Variants in CCDC91 observed in about 807,000 individuals in gnomAD.
CCDC91 encodes coiled-coil domain containing 91, also known as coiled-coil domain-containing protein 91.
Under a neutral mutation model 63.2 loss-of-function variants are expected in CCDC91, and 48 were observed. The ratio of observed to expected loss-of-function variants is 0.76; its 90% CI spans 0.60 to 0.97. CCDC91 has a LOEUF of 0.97. Among genes scored for constraint, CCDC91 ranks in the 50% least tolerant of loss-of-function variants. The pLI, the probability that CCDC91 is intolerant of heterozygous loss-of-function variation, is 0.00. For synonymous variants in CCDC91, 167 were observed against 165.8 expected (o/e 1.01, Z -0.06); for missense variants, 500 against 494.6 (o/e 1.01, Z -0.10).
At chr12:28,474,221 C>T (rs1368399736) in intron 11 of CCDC91, among the ~76,000 whole-genome samples, 6 of 151,960 alleles carry the variant, frequency 3.9e-5, no homozygotes, top group South Asian at 2.1e-4. Flanking sequence ...GCAACAAAGT[C>T]GTTTTTTCTT....
intron 12 of CCDC91, among the ~76,000 whole-genome samples, chr12:28,520,977 T>G (rs1940579985): frequency 6.6e-6 from 1 of 152,156 alleles, no homozygotes; most frequent in African/African-American, 2.4e-5. Context: ...TACTGTAGCC[T>G]TGTAGTATAG....
chr12:28,410,897 C>A (rs142952903), intron 8 of CCDC91, among the ~76,000 whole-genome samples: 1 of 152,172 alleles, frequency 6.6e-6, no homozygotes, highest in East Asian at 1.9e-4. Flanking sequence ...TCTCCTCATT[C>A]TTTGTTTTCT....
intron 1 of CCDC91, among the ~76,000 whole-genome samples, chr12:28,250,815 C>T (rs151270283): frequency 6.6e-6 from 1 of 152,230 alleles, no homozygotes; most frequent in East Asian, 1.9e-4. Context: ...CCCCACACTA[C>T]CTCCAGATTT....
intron 8 of CCDC91, among the ~76,000 whole-genome samples, chr12:28,413,920 A>G (rs1947479191): frequency 6.6e-6 from 1 of 152,208 alleles, no homozygotes; most frequent in Non-Finnish European, 1.5e-5. Context: ...TTTCTGATGA[A>G]TACGGTACAT....
intron 1 of CCDC91, among the ~76,000 whole-genome samples, chr12:28,225,458 T>C (rs866003827): frequency 8.1e-5 from 12 of 147,994 alleles, no homozygotes; most frequent in Admixed American, 1.3e-4. Context: ...CACTACCCCC[T>C]TTTTTTTTTG....
intron 8 of CCDC91, among the ~76,000 whole-genome samples, chr12:28,416,204 A>G (rs1427349162): frequency 1.3e-5 from 2 of 152,076 alleles, no homozygotes; most frequent in African/African-American, 4.8e-5. Context: ...TATTTTTGTC[A>G]GTAAGTGTTA....
At chr12:28,201,343 C>G (rs879977044) in intron 1 of CCDC91, among the ~76,000 whole-genome samples, 1 of 150,144 alleles carries the variant, frequency 6.7e-6, no homozygotes, top group East Asian at 2.0e-4. Context: ...TCCTCACCTC[C>G]CAGACGGGGT....
chr12:28,309,682 G>A, intron 6 of CCDC91, among the ~76,000 whole-genome samples: 1 of 151,992 alleles, frequency 6.6e-6, no homozygotes, highest in East Asian at 1.9e-4. Context: ...TAATTCATTA[G>A]TAAATGAACA....
chr12:28,361,219 T>G (rs1024626055), intron 6 of CCDC91, among the ~76,000 whole-genome samples: 11 of 151,866 alleles, frequency 7.2e-5, no homozygotes, highest in Non-Finnish European at 1.6e-4. Context: ...TTAGGGTACA[T>G]GTGCACAATG....
At position 28,246,744 on chromosome 12, in the gene CCDC91, G is replaced by A. The variant is rs532384951; in HGVS notation, c.-14-10458G>A. Among the ~76,000 whole-genome samples the A allele has an allele frequency of 2.6e-5, 4 of 152,264 alleles. 1 individual carries two copies. Among genetic ancestry groups the A allele is most frequent in the African/African-American group, 7.2e-5 (3 of 41,556 alleles). ...GATAGAGATCCAAGCCACAAAGATG[G>A]TCACTAGAGGAGACAAGAAAGGATG... On this transcript the variant is annotated intron_variant, in intron 1 of 12. Transcript: ENST00000536442.
chr12:28,455,002 A>G (rs532607543), intron 11 of CCDC91, among the ~76,000 whole-genome samples: 32 of 152,224 alleles, frequency 2.1e-4, no homozygotes, highest in African/African-American at 7.7e-4. Context: ...TCTTGTTGAC[A>G]TCATCTGGTA....
intron 12 of CCDC91, among the ~76,000 whole-genome samples, chr12:28,496,084 G>A (rs775388055): frequency 2.0e-5 from 3 of 151,606 alleles, no homozygotes; most frequent in Non-Finnish European, 3.0e-5. Flanking sequence ...AACAGAAGCT[G>A]CTTTCATCTG....
chr12:28,383,701 A>G (rs2139134843), intron 7 of CCDC91, among the ~76,000 whole-genome samples: 1 of 152,252 alleles, frequency 6.6e-6, no homozygotes, highest in Non-Finnish European at 1.5e-5. Flanking sequence ...AGAGAATTAC[A>G]AAGAATTTTA....
chr12:28,360,310 A>C (rs1943793192), intron 6 of CCDC91, among the ~76,000 whole-genome samples: 1 of 152,248 alleles, frequency 6.6e-6, no homozygotes, highest in Non-Finnish European at 1.5e-5. Context: ...AAGTGGTAGC[A>C]GTAAATGGAC....
At chr12:28,360,200 A>G (rs1303722109) in intron 6 of CCDC91, among the ~76,000 whole-genome samples, 1 of 152,234 alleles carries the variant, frequency 6.6e-6, no homozygotes, top group Admixed American at 6.5e-5. Context: ...TAATATGACA[A>G]GATAAAGGGC....
At chr12:28,271,205 C>G (rs1173308405) in intron 3 of CCDC91, among the ~76,000 whole-genome samples, 1 of 152,042 alleles carries the variant, frequency 6.6e-6, no homozygotes, top group Non-Finnish European at 1.5e-5. Flanking sequence ...AGCTTTACAG[C>G]AGAGACAGAG....
chr12:28,282,620 A>T (rs1948677092), intron 3 of CCDC91, among the ~76,000 whole-genome samples: 1 of 152,094 alleles, frequency 6.6e-6, no homozygotes, highest in South Asian at 2.1e-4. Flanking sequence ...ATTTGGGTAG[A>T]TATCCTCTAG....
intron 12 of CCDC91, among the ~76,000 whole-genome samples, chr12:28,521,624 T>A (rs897706385): frequency 6.6e-6 from 1 of 152,146 alleles, no homozygotes; most frequent in Non-Finnish European, 1.5e-5. Flanking sequence ...TTAGGAGTGG[T>A]GAGAGGGGAC....
At chr12:28,532,593 G>A (rs1941830439) in intron 12 of CCDC91, among the ~76,000 whole-genome samples, 1 of 151,850 alleles carries the variant, frequency 6.6e-6, no homozygotes, top group Non-Finnish European at 1.5e-5. Flanking sequence ...TAGTTAATAT[G>A]TTTATATATT....
Sources: allele counts gnomAD v4.1 joint callset (sites outside exome capture counted in the v4.1 genomes callset), GRCh38; gene constraint gnomAD v4.1.1; transcripts MANE v1.5; gene names NCBI Gene and HGNC (gene_info 2026-07-23, HGNC 2026-07-21).